IQSEC3: variants seen among roughly 807,000 people sequenced by gnomAD.
IQSEC3 encodes IQ motif and SEC7 domain-containing protein 3.
A neutral mutation model predicts 105.4 loss-of-function variants in IQSEC3; 50 were observed. The observed-to-expected ratio is 0.47, with a 90% CI of 0.38 to 0.60. The LOEUF (loss-of-function observed/expected upper bound fraction) is 0.60. IQSEC3 is among the 20% of genes least tolerant of loss of function. The pLI is 0.00. For synonymous variants in IQSEC3, 708 were observed against 746.0 expected (o/e 0.95, Z 0.83); for missense variants, 1,415 against 1,630.0 (o/e 0.87, Z 2.27).
At position 165,757 on chromosome 12, in the gene IQSEC3, C is replaced by T. The variant is rs1867141859; in HGVS notation, c.2838C>T (p.Thr946=). The change falls in exon 11 of 14, where the codon ACC becomes ACT. Residue 946 remains threonine, a synonymous_variant. Transcript: ENST00000538872. ...EYYSHGITLV[T]PLSGSEKKQV... ...ACTCTCATGGCATCACACTGGTGAC[C>T]CCGCTCTCGGGCTCCGAGAAGAAGC... 6.2e-7 allele frequency: 1 copy of T among 1,613,898 alleles called. No homozygotes were observed. The highest frequency in any genetic ancestry group is 8.5e-7 in the Non-Finnish European group (1 of 1,180,028).
intron 3 of IQSEC3, among the ~76,000 whole-genome samples, chr12:130,586 G>A (rs1473899892): frequency 6.6e-6 from 1 of 152,190 alleles, no homozygotes; most frequent in African/African-American, 2.4e-5. Context: ...CCAGCTCCTG[G>A]GGCAGCCCCA....
intron 2 of IQSEC3, among the ~76,000 whole-genome samples, chr12:121,960 C>G (rs1298929817): frequency 6.6e-6 from 1 of 152,176 alleles, no homozygotes; most frequent in Non-Finnish European, 1.5e-5. Context: ...CCAGGTCTCC[C>G]TGACACCAAA....
At chr12:90,661 C>A (rs574973606) in intron 1 of IQSEC3, among the ~76,000 whole-genome samples, 8 of 152,230 alleles carry the variant, frequency 5.3e-5, no homozygotes, top group African/African-American at 1.9e-4. Flanking sequence ...TCTGGCTTCT[C>A]TTTTTGTTCA....
chr12:156,901 C>T (rs1485090779), intron 5 of IQSEC3, 124 bp from the exon 6 acceptor site: 1 of 1,244,384 alleles, frequency 8.0e-7, no homozygotes, highest in Non-Finnish European at 1.0e-6. Context: ...AAGGGCGACC[C>T]CCGGGGGTGA....
intron 1 of IQSEC3, 44 bp from the exon 2 acceptor site, chr12:99,102 C>T: frequency 6.4e-7 from 1 of 1,565,942 alleles, no homozygotes; most frequent in Non-Finnish European, 8.6e-7. Flanking sequence ...GGCGGGGACC[C>T]AGCCTGCCTC....
At chr12:80,399 C>A (rs1249527739) in intron 1 of IQSEC3, among the ~76,000 whole-genome samples, 1 of 152,160 alleles carries the variant, frequency 6.6e-6, no homozygotes, top group Non-Finnish European at 1.5e-5. Flanking sequence ...TTTCAGGAAG[C>A]CTTCCTGAAC....
chr12:151,488 A>G (rs1448540714), intron 5 of IQSEC3, among the ~76,000 whole-genome samples: 1 of 152,064 alleles, frequency 6.6e-6, no homozygotes, highest in African/African-American at 2.4e-5. Flanking sequence ...AAGCCCCATT[A>G]TCTGTAGCTT....
chr12:91,810 C>A (rs1197300619), intron 1 of IQSEC3, among the ~76,000 whole-genome samples: 1 of 152,024 alleles, frequency 6.6e-6, no homozygotes, highest in African/African-American at 2.4e-5. Context: ...AAGAAAGAAG[C>A]AGGGTTCTTT....
chr12:70,032 G>A (rs1416218791), intron 1 of IQSEC3, among the ~76,000 whole-genome samples: 2 of 152,264 alleles, frequency 1.3e-5, no homozygotes, highest in Non-Finnish European at 2.9e-5. Flanking sequence ...TGCTGAAGCG[G>A]GAGGAAGAGA....
At chr12:162,154 A>C (rs1866921383) in intron 8 of IQSEC3, 89 bp downstream of exon 8, 5 of 1,436,544 alleles carry the variant, frequency 3.5e-6, no homozygotes, top group African/African-American at 1.4e-5. Context: ...CCTTTCCAAA[A>C]CTCTTTTTTC....
chr12:134,010 C>T (rs535519328), intron 3 of IQSEC3, among the ~76,000 whole-genome samples: 5 of 152,220 alleles, frequency 3.3e-5, no homozygotes, highest in Non-Finnish European at 7.3e-5. Context: ...TCAGCAGTTA[C>T]GCTGTAGCCT....
chr12:106,688 T>G (rs1376288364), intron 2 of IQSEC3: 1 of 152,258 alleles, frequency 6.6e-6, no homozygotes, highest in Non-Finnish European at 1.5e-5. Context: ...CTTGTTTCAT[T>G]TACTGGAAGC....
At chr12:75,229 C>T (rs1447680610) in intron 1 of IQSEC3, among the ~76,000 whole-genome samples, 1 of 152,258 alleles carries the variant, frequency 6.6e-6, no homozygotes, top group African/African-American at 2.4e-5. Flanking sequence ...AGGGAGGATA[C>T]TGGGGTAGCA....
At chr12:92,124 C>A (rs1397664112) in intron 1 of IQSEC3, among the ~76,000 whole-genome samples, 1 of 152,190 alleles carries the variant, frequency 6.6e-6, no homozygotes, top group African/African-American at 2.4e-5. Context: ...CCCATCAGAA[C>A]TCATCAATAT....
intron 5 of IQSEC3, among the ~76,000 whole-genome samples, chr12:145,581 G>T (rs1866229623): frequency 6.6e-6 from 1 of 152,188 alleles, no homozygotes; most frequent in Non-Finnish European, 1.5e-5. Flanking sequence ...GAACTTGCTG[G>T]GCTTTGCTGG....
chr12:70,544 C>T (rs1863273188), intron 1 of IQSEC3, among the ~76,000 whole-genome samples: 1 of 152,268 alleles, frequency 6.6e-6, no homozygotes, highest in Non-Finnish European at 1.5e-5. Context: ...ACATAGCTTC[C>T]TCCTCCTTAT....
intron 11 of IQSEC3, chr12:167,596 T>C (rs1555098887): frequency 7.8e-6 from 1 of 128,960 alleles, no homozygotes; most frequent in Non-Finnish European, 1.7e-5. Context: ...AAAAAGAAAA[T>C]GGGCTGGGCT....
intron 7 of IQSEC3, among the ~76,000 whole-genome samples, chr12:158,026 A>G (rs1408166892): frequency 1.3e-5 from 2 of 152,262 alleles, no homozygotes; most frequent in South Asian, 2.1e-4. Flanking sequence ...CTTACAAGGA[A>G]GGAGCCAGGA....
intron 11 of IQSEC3, among the ~76,000 whole-genome samples, chr12:166,684 C>T (rs1938668808): frequency 6.6e-6 from 1 of 152,146 alleles, no homozygotes. Flanking sequence ...GCCTCTATGG[C>T]CACTTAGTTA....
Sources: allele counts gnomAD v4.1 joint callset (sites outside exome capture counted in the v4.1 genomes callset), GRCh38; gene constraint gnomAD v4.1.1; transcripts MANE v1.5; gene names NCBI Gene and HGNC (gene_info 2026-07-23, HGNC 2026-07-21).